ARSG: variants seen among roughly 807,000 people sequenced by gnomAD.
The protein encoded by ARSG is ASG.
Under a neutral mutation model 50.5 loss-of-function variants are expected in ARSG, and 37 were observed. The ratio of observed to expected loss-of-function variants is 0.73; its 90% CI spans 0.56 to 0.96. ARSG has a LOEUF of 0.96. ARSG is among the 50% of genes least tolerant of loss of function. ARSG has a pLI of 0.00. For synonymous variants in ARSG, 225 were observed against 254.6 expected (o/e 0.88, Z 1.11); for missense variants, 629 against 675.3 (o/e 0.93, Z 0.76).
chr17:68,302,273 C>A (rs1555762194), intron 1 of ARSG, among the ~76,000 whole-genome samples: 1 of 152,170 alleles, frequency 6.6e-6, no homozygotes, highest in Non-Finnish European at 1.5e-5. Context: ...CAACAGCAGT[C>A]CACATCCCAG....
At chr17:68,377,188 C>T (rs1328910847) in intron 8 of ARSG, among the ~76,000 whole-genome samples, 10 of 152,166 alleles carry the variant, frequency 6.6e-5, no homozygotes. Flanking sequence ...ATTCCAACCA[C>T]CTTATTGGAC....
intron 9 of ARSG, among the ~76,000 whole-genome samples, chr17:68,389,820 C>G (rs959441560): frequency 5.3e-5 from 8 of 152,178 alleles, no homozygotes; most frequent in Middle Eastern, 3.4e-3. Context: ...TCCTGGGATG[C>G]CTTCCACCCC....
At chr17:68,358,189 C>A (rs895534629) in intron 6 of ARSG, among the ~76,000 whole-genome samples, 1 of 151,024 alleles carries the variant, frequency 6.6e-6, no homozygotes, top group African/African-American at 2.4e-5. Flanking sequence ...GGTGACAGAG[C>A]GAGACCCTGT....
At chr17:68,327,581 A>T (rs1555772910) in intron 2 of ARSG, among the ~76,000 whole-genome samples, 2 of 152,052 alleles carry the variant, frequency 1.3e-5, no homozygotes, top group Non-Finnish European at 2.9e-5. Flanking sequence ...GCTCTTCTAA[A>T]ATAAGGACAA....
At chr17:68,429,601 T>C in the ARSG span, among the ~76,000 whole-genome samples, 4 of 152,170 alleles carry the variant, frequency 2.6e-5, no homozygotes, top group African/African-American at 9.7e-5. Flanking sequence ...TTTCTTTTTC[T>C]TTTTTGAGAT....
the ARSG span, among the ~76,000 whole-genome samples, chr17:68,441,802 GAGA>G: frequency 2.6e-5 from 4 of 152,210 alleles, no homozygotes; most frequent in African/African-American, 9.6e-5. Flanking sequence ...GGGAGCTCAG[GAGA>G]AGTTGAGGTG....
At chr17:68,379,125 C>G (rs778513682) in intron 8 of ARSG, among the ~76,000 whole-genome samples, 11 of 152,222 alleles carry the variant, frequency 7.2e-5, no homozygotes, top group Non-Finnish European at 1.6e-4. Flanking sequence ...CCACCCCAGG[C>G]CAGCCGGAGT....
intron 8 of ARSG, among the ~76,000 whole-genome samples, chr17:68,383,020 TG>T (rs2080512604): frequency 2.6e-5 from 4 of 152,340 alleles, no homozygotes; most frequent in Admixed American, 2.6e-4. Flanking sequence ...GGAGATTGTC[TG>T]CTTTGTTGAC....
At chr17:68,435,566 G>A in the ARSG span, 66 of 1,553,436 alleles carry the variant, frequency 4.2e-5, 2 homozygotes, top group South Asian at 2.5e-4. Flanking sequence ...CCCTGCGCAC[G>A]GCAGGAGCCA....
At chr17:68,346,590 AGACC>A (rs2146299167) in intron 3 of ARSG, among the ~76,000 whole-genome samples, 1 of 152,212 alleles carries the variant, frequency 6.6e-6, no homozygotes, top group South Asian at 2.1e-4. Context: ...GCGCATTTGC[AGACC>A]GAGGAGCAGC....
At chr17:68,310,427 A>G (rs922461395) in intron 2 of ARSG, among the ~76,000 whole-genome samples, 2 of 152,206 alleles carry the variant, frequency 1.3e-5, no homozygotes, top group African/African-American at 4.8e-5. Flanking sequence ...ACTGAACTCT[A>G]AGGGACCACA....
At chr17:68,350,437 T>C (rs2078703677) in intron 4 of ARSG, among the ~76,000 whole-genome samples, 1 of 152,214 alleles carries the variant, frequency 6.6e-6, no homozygotes, top group African/African-American at 2.4e-5. Flanking sequence ...AAGGTTTCCT[T>C]TTTCTGGAGA....
chr17:68,316,233 C>T (rs2077066385), intron 2 of ARSG, among the ~76,000 whole-genome samples: 1 of 152,246 alleles, frequency 6.6e-6, no homozygotes, highest in Non-Finnish European at 1.5e-5. Context: ...ACTCAAATAC[C>T]ATGTCCTCAG....
intron 2 of ARSG, among the ~76,000 whole-genome samples, chr17:68,328,833 T>C (rs915725615): frequency 6.6e-6 from 1 of 151,916 alleles, no homozygotes; most frequent in Non-Finnish European, 1.5e-5. Flanking sequence ...GGCTATGGCT[T>C]TCCCACCAGA....
chr17:68,310,545 T>C (rs1269484608), intron 2 of ARSG, among the ~76,000 whole-genome samples: 2 of 152,128 alleles, frequency 1.3e-5, no homozygotes, highest in Admixed American at 1.3e-4. Flanking sequence ...GAACAAGCGT[T>C]AGAGCTTTCA....
chr17:68,342,853 C>T (rs1046630644), intron 2 of ARSG, among the ~76,000 whole-genome samples: 2 of 152,156 alleles, frequency 1.3e-5, no homozygotes, highest in Non-Finnish European at 2.9e-5. Flanking sequence ...AGAGCTGAAA[C>T]CAGAAGGGAG....
At chr17:68,314,465 G>A (rs1334698183) in intron 2 of ARSG, among the ~76,000 whole-genome samples, 2 of 150,984 alleles carry the variant, frequency 1.3e-5, no homozygotes, top group Non-Finnish European at 1.5e-5. Flanking sequence ...GGCGGAAGTT[G>A]CAGTGAGCTG....
chr17:68,387,127 T>C lies in ARSG; in HGVS notation c.1091+1955T>C, dbSNP rs186012105. ...CACACACACACACACACATACCTTT[T>C]ATTTTATTTATTTTGTTAAGAGACA... On this transcript the variant is annotated intron_variant, in intron 9 of 11. Coordinates refer to ENST00000621439, the MANE Select transcript of ARSG (RefSeq NM_001267727.2). Among the ~76,000 whole-genome samples the C allele has an allele frequency of 1.7e-3, 252 of 151,262 alleles. 2 individuals are homozygous for C. Among genetic ancestry groups the C allele is most frequent in the Non-Finnish European group, 1.5e-3 (99 of 67,778 alleles).
chr17:68,331,094 C>T (rs1024514368), intron 2 of ARSG, among the ~76,000 whole-genome samples: 3 of 151,772 alleles, frequency 2.0e-5, no homozygotes, highest in South Asian at 2.1e-4. Context: ...AAGCAATTCT[C>T]GTGTCTCAGC....
Sources: allele counts gnomAD v4.1 joint callset (sites outside exome capture counted in the v4.1 genomes callset), GRCh38; gene constraint gnomAD v4.1.1; transcripts MANE v1.5; gene names NCBI Gene and HGNC (gene_info 2026-07-23, HGNC 2026-07-21).